CASZ1: variants seen among roughly 807,000 people sequenced by gnomAD.
CASZ1 encodes zinc finger protein castor homolog 1.
Under a neutral mutation model 135.2 loss-of-function variants are expected in CASZ1, and 28 were observed. The ratio of observed to expected loss-of-function variants is 0.21; its 90% CI spans 0.15 to 0.28. The LOEUF is 0.28. Ranked by LOEUF, CASZ1 falls within the 10% of genes least tolerant of loss-of-function variation. The pLI is 1.00. For synonymous variants in CASZ1, 1,068 were observed against 1,073.4 expected (o/e 0.99, Z 0.10); for missense variants, 2,161 against 2,453.3 (o/e 0.88, Z 2.52).
chr1:10,658,431 A>G (rs1216212395), intron 7 of CASZ1, 77 bp downstream of exon 7: 2 of 1,249,496 alleles, frequency 1.6e-6, no homozygotes, highest in African/African-American at 3.0e-5. Context: ...CAGATATCAA[A>G]CGAATGGCCT....
At position 10,643,141 on chromosome 1, in the gene CASZ1, AC is replaced by A. The variant is rs1557456436; in HGVS notation, c.4020+18del. 1.3e-6 allele frequency: 2 copies of A among 1,574,320 alleles called. No homozygotes were observed. Among genetic ancestry groups the A allele is most frequent in the Non-Finnish European group, 1.7e-6 (2 of 1,157,990 alleles). On this transcript the variant is annotated intron_variant, in intron 19 of 20. Transcript: ENST00000377022. ...TTCCCGCCACCCTGGCTGGGCTCTC[AC>A]CTGGGGGGGGCTCTCACCTGGGAGG...
chr1:10,713,797 C>T (rs916608224), intron 2 of CASZ1, among the ~76,000 whole-genome samples: 2 of 152,040 alleles, frequency 1.3e-5, no homozygotes, highest in African/African-American at 2.4e-5. Context: ...GCCAGAGAGC[C>T]CTGCCGGGTT....
intron 20 of CASZ1, among the ~76,000 whole-genome samples, chr1:10,640,840 T>C (rs904058760): frequency 1.2e-4 from 18 of 152,236 alleles, no homozygotes; most frequent in African/African-American, 4.3e-4. Flanking sequence ...CTTCCTGGGA[T>C]TTAGGATGCC....
chr1:10,686,513 C>CTGGGTCT (rs1245924418), intron 4 of CASZ1, among the ~76,000 whole-genome samples: 1 of 152,188 alleles, frequency 6.6e-6, no homozygotes, highest in Non-Finnish European at 1.5e-5. Context: ...AAGCCGAGGA[C>CTGGGTCT]TGGGTCTTGG....
At chr1:10,704,608 CG>C (rs1334962545) in intron 3 of CASZ1, 1 of 152,298 alleles carries the variant, frequency 6.6e-6, no homozygotes, top group African/African-American at 2.4e-5. Context: ...GCCGGTCGGT[CG>C]CAGCCGGGGC....
At chr1:10,742,756 G>A (rs1227023877) in intron 2 of CASZ1, among the ~76,000 whole-genome samples, 1 of 152,136 alleles carries the variant, frequency 6.6e-6, no homozygotes, top group African/African-American at 2.4e-5. Context: ...GGCTGAGGCA[G>A]GCGGATCACT....
intron 2 of CASZ1, among the ~76,000 whole-genome samples, chr1:10,713,502 C>T (rs1269528567): frequency 6.6e-6 from 1 of 152,184 alleles, no homozygotes; most frequent in Non-Finnish European, 1.5e-5. Flanking sequence ...CCCTGTTCTT[C>T]CGGAAACAGC....
chr1:10,667,456 C>T (rs1454824899), intron 4 of CASZ1, among the ~76,000 whole-genome samples: 1 of 152,216 alleles, frequency 6.6e-6, no homozygotes, highest in Non-Finnish European at 1.5e-5. Context: ...CAAGTCTGTG[C>T]CACCCACACC....
At chr1:10,659,672 C>T (rs750219304) in intron 6 of CASZ1, 30 bp downstream of exon 6, 2 of 1,573,848 alleles carry the variant, frequency 1.3e-6, no homozygotes, top group South Asian at 2.2e-5. Flanking sequence ...GCTCCTGGCT[C>T]TGGGCATTGT....
rs1333167632 is a variant in CASZ1 at position 10,725,933 on chromosome 1, C to T, written c.-76-20389G>A. 6.6e-6 allele frequency among the ~76,000 whole-genome samples: 1 copy of T among 152,102 alleles called. No homozygotes were observed. Among genetic ancestry groups the T allele is most frequent in the African/African-American group, 2.4e-5 (1 of 41,396 alleles). On this transcript the variant is annotated intron_variant, in intron 2 of 20. Transcript: ENST00000377022. The surrounding 1 kb of genome is among the most constrained non-coding windows in gnomAD (Gnocchi z 4.4). Reference sequence around the variant, plus strand: ...TAGGAGGGGGCAGCATCCTCAGGATCCCTTAGTAGCAAGAGCAGGGTGAGG... The same window carrying T: ...TAGGAGGGGGCAGCATCCTCAGGATTCCTTAGTAGCAAGAGCAGGGTGAGG...
At chr1:10,758,968 A>G (rs889878800) in intron 2 of CASZ1, among the ~76,000 whole-genome samples, 1 of 152,230 alleles carries the variant, frequency 6.6e-6, no homozygotes, top group African/African-American at 2.4e-5. Flanking sequence ...GGACCTGTGG[A>G]TCCCATACCC....
In CASZ1 at chr1:10,679,756, G is replaced by A. The variant is rs939605057; in HGVS notation, c.16+14118C>T. 2.0e-5 allele frequency among the ~76,000 whole-genome samples: 3 copies of A among 152,170 alleles called. No individual in the cohort carries two copies. The highest frequency in any genetic ancestry group is 2.9e-5 in the Non-Finnish European group (2 of 68,030). On this transcript the variant is annotated intron_variant, in intron 4 of 20. Coordinates refer to ENST00000377022, the MANE Select transcript of CASZ1 (RefSeq NM_001079843.3). The surrounding 1 kb of genome is among the most constrained non-coding windows in gnomAD (Gnocchi z 4.7). ...TTCAGGTTTTCCATACTACAACCCC[G>A]AGTGTCACCACAGGGTCCGGCCCAA...
chr1:10,689,852 T>C (rs570343941), intron 4 of CASZ1, among the ~76,000 whole-genome samples: 57 of 152,368 alleles, frequency 3.7e-4, no homozygotes, highest in Middle Eastern at 3.4e-3. Context: ...GGTCATCTGA[T>C]GCTCAAGTCC....
intron 1 of CASZ1, among the ~76,000 whole-genome samples, chr1:10,766,210 A>G (rs922047564): frequency 6.6e-6 from 1 of 152,030 alleles, no homozygotes; most frequent in African/African-American, 2.4e-5. Context: ...ACGTGCACAC[A>G]CACACACACA....
chr1:10,680,811 G>A (rs770845388), intron 4 of CASZ1, among the ~76,000 whole-genome samples: 4 of 152,250 alleles, frequency 2.6e-5, no homozygotes, highest in African/African-American at 7.2e-5. Flanking sequence ...GAAAGCAGAC[G>A]CAGCCCCAGT....
rs543678523 is a variant in CASZ1 at position 10,709,376 on chromosome 1, G to C, written c.-76-3832C>G. On this transcript the variant is annotated intron_variant, in intron 2 of 20. Transcript: ENST00000377022. This position sits in a 1 kb window ranked among gnomAD's most constrained non-coding sequence, Gnocchi z 5.1. ...ACAGGGGCTGGGGCCATGTCAGCCCGGCAGTGTGAGGAGGGGGGCGGCATA... is the reference window on the plus strand; with the variant it reads ...ACAGGGGCTGGGGCCATGTCAGCCCCGCAGTGTGAGGAGGGGGGCGGCATA... 6.6e-6 allele frequency among the ~76,000 whole-genome samples: 1 copy of C among 152,084 alleles called. No individual in the cohort carries two copies. The highest frequency in any genetic ancestry group is 1.5e-5 in the Non-Finnish European group (1 of 67,994).
At chr1:10,662,403 GCATA>G (rs1238748063) in intron 5 of CASZ1, among the ~76,000 whole-genome samples, 9 of 151,564 alleles carry the variant, frequency 5.9e-5, no homozygotes, top group East Asian at 1.9e-4. Context: ...CCAATCACGT[GCATA>G]CAATCACATA....
At position 10,639,338 on chromosome 1, in the gene CASZ1, C is replaced by T. The variant is rs781450627; in HGVS notation, c.4884G>A (p.Ser1628=). 2.4e-5 allele frequency: 36 copies of T among 1,496,558 alleles called. 2 individuals are homozygous for T. In the South Asian group the frequency reaches 3.9e-4, roughly 16 times the overall value. The allele number at this position is 1,496,558 out of a possible 1,614,324, so 92.7% of individuals were successfully genotyped here. ...GSLSLGAEPG[S]LLFLQSAAAG... is the part of the protein sequence containing the mutation. ...CGGCCGCCGACTGCAGGAAGAGCAG[C>T]GAGCCCGGCTCGGCGCCCAGCGACA... Residue 1628 remains serine, a synonymous_variant, in exon 21 of 21, where the codon TCG becomes TCA. Coordinates refer to ENST00000377022, the MANE Select transcript of CASZ1 (RefSeq NM_001079843.3). The surrounding 1 kb of genome is among the most constrained non-coding windows in gnomAD (Gnocchi z 4.0).
At chr1:10,664,802 C>G (rs1375987446) in intron 5 of CASZ1, among the ~76,000 whole-genome samples, 3 of 151,966 alleles carry the variant, frequency 2.0e-5, no homozygotes, top group Non-Finnish European at 4.4e-5. Context: ...ATCCACCCAC[C>G]CGTCTATCCC....
Sources: gnomAD v4.1 joint callset for allele counts (sites outside exome capture counted in the v4.1 genomes callset) on GRCh38, gnomAD v4.1.1 for gene constraint, Gnocchi (gnomAD v3.1) non-coding constraint, MANE v1.5 for transcripts, NCBI Gene and HGNC (gene_info 2026-07-23, HGNC 2026-07-21) for gene names.